Variants in COL25A1 observed in about 807,000 individuals in gnomAD.
COL25A1 encodes the protein collagen alpha-1(XXV) chain.
In COL25A1, 103 loss-of-function variants were observed where a neutral mutation model predicts 128.4. The observed-to-expected ratio is 0.80, with a 90% CI of 0.68 to 0.94. COL25A1 has a LOEUF of 0.94. Among genes scored for constraint, COL25A1 ranks in the 40% least tolerant of loss-of-function variants. The probability of loss-of-function intolerance (pLI) is 0.00; values close to 1 mark genes in which losing one functional copy is unlikely to be tolerated. For synonymous variants in COL25A1, 279 were observed against 277.2 expected (o/e 1.01, Z -0.06); for missense variants, 745 against 840.0 (o/e 0.89, Z 1.40).
chr4:108,857,409 A>T (rs1238429366), intron 24 of COL25A1, among the ~76,000 whole-genome samples: 1 of 152,096 alleles, frequency 6.6e-6, no homozygotes, highest in Admixed American at 6.6e-5. Context: ...GCCACTACTT[A>T]CATCGAATCC....
intron 9 of COL25A1, 52 bp from the exon 10 acceptor site, chr4:108,940,698 A>C (rs1356572165): frequency 8.1e-7 from 1 of 1,239,700 alleles, no homozygotes; most frequent in Non-Finnish European, 1.1e-6. Context: ...ATAAAGACCC[A>C]GGTCTTCTTT....
At chr4:109,161,928 A>G (rs1366560132) in intron 3 of COL25A1, among the ~76,000 whole-genome samples, 1 of 152,348 alleles carries the variant, frequency 6.6e-6, no homozygotes, top group Non-Finnish European at 1.5e-5. Context: ...ATCTCAGGCA[A>G]CAGGTAACAT....
At chr4:109,209,483 TA>T (rs1475885791) in intron 3 of COL25A1, among the ~76,000 whole-genome samples, 1 of 152,126 alleles carries the variant, frequency 6.6e-6, no homozygotes, top group Non-Finnish European at 1.5e-5. Flanking sequence ...CAGAAAAGAT[TA>T]ACCAATCAAC....
intron 8 of COL25A1, among the ~76,000 whole-genome samples, chr4:108,969,105 C>T (rs1256477287): frequency 6.6e-6 from 1 of 152,156 alleles, no homozygotes; most frequent in East Asian, 1.9e-4. Context: ...TCACCAAATG[C>T]TCCTCTATCA....
chr4:108,971,945 C>T (rs1312335376), intron 8 of COL25A1, among the ~76,000 whole-genome samples: 1 of 152,160 alleles, frequency 6.6e-6, no homozygotes, highest in Non-Finnish European at 1.5e-5. Flanking sequence ...ATATATACTG[C>T]TGAATATATG....
chr4:108,826,216 A>G (rs2125717025), intron 33 of COL25A1, among the ~76,000 whole-genome samples: 1 of 152,296 alleles, frequency 6.6e-6, no homozygotes, highest in African/African-American at 2.4e-5. Context: ...AAAGCAAACC[A>G]GAGGTCTCAA....
intron 3 of COL25A1, among the ~76,000 whole-genome samples, chr4:109,174,705 T>G (rs1359601764): frequency 6.6e-6 from 1 of 152,182 alleles, no homozygotes; most frequent in East Asian, 1.9e-4. Context: ...GGCAGGAATC[T>G]CTCCTTCATC....
At chr4:109,245,599 G>A (rs549164409) in intron 3 of COL25A1, among the ~76,000 whole-genome samples, 1 of 152,134 alleles carries the variant, frequency 6.6e-6, no homozygotes, top group Non-Finnish European at 1.5e-5. Context: ...ATGAATACCT[G>A]CTATGAACCA....
intron 6 of COL25A1, among the ~76,000 whole-genome samples, chr4:109,003,766 C>T (rs1359592642): frequency 2.6e-5 from 4 of 152,154 alleles, no homozygotes; most frequent in African/African-American, 9.7e-5. Flanking sequence ...CGCCATTGCA[C>T]TCCAGCCTGG....
chr4:109,270,382 C>T (rs1385151155), intron 3 of COL25A1, among the ~76,000 whole-genome samples: 1 of 152,194 alleles, frequency 6.6e-6, no homozygotes, highest in Admixed American at 6.5e-5. Context: ...TCTCAGGATA[C>T]AAAATCAATG....
intron 3 of COL25A1, among the ~76,000 whole-genome samples, chr4:109,090,027 T>C (rs906501556): frequency 6.6e-6 from 1 of 152,118 alleles, no homozygotes; most frequent in South Asian, 2.1e-4. Context: ...TCAGTATATA[T>C]AAATGTAAAA....
intron 18 of COL25A1, 68 bp from the exon 19 acceptor site, chr4:108,884,290 T>A: frequency 7.1e-7 from 1 of 1,406,928 alleles, no homozygotes; most frequent in Non-Finnish European, 1.0e-6. Context: ...GAGAAAAACA[T>A]GGCAAATGTT....
At chr4:109,205,230 T>C (rs1026072173) in intron 3 of COL25A1, among the ~76,000 whole-genome samples, 2 of 152,206 alleles carry the variant, frequency 1.3e-5, no homozygotes, top group Non-Finnish European at 2.9e-5. Flanking sequence ...ATACATATCT[T>C]AAAATAGATT....
At chr4:109,007,386 T>C (rs996729445) in intron 6 of COL25A1, among the ~76,000 whole-genome samples, 1 of 152,170 alleles carries the variant, frequency 6.6e-6, no homozygotes, top group Admixed American at 6.5e-5. Flanking sequence ...TTAGAAATGA[T>C]ACATGTAGTA....
intron 30 of COL25A1, 24 bp from the exon 31 acceptor site, chr4:108,841,745 T>A: frequency 6.3e-7 from 1 of 1,590,902 alleles, no homozygotes; most frequent in Non-Finnish European, 8.6e-7. Flanking sequence ...ACAGAGCTTT[T>A]AATTAAGAAT....
chr4:109,238,030 T>C (rs981417023), intron 3 of COL25A1, among the ~76,000 whole-genome samples: 1 of 152,120 alleles, frequency 6.6e-6, no homozygotes, highest in African/African-American at 2.4e-5. Context: ...TAGTCCATTG[T>C]ATATACATAC....
At chr4:109,257,701 G>A (rs569550467) in intron 3 of COL25A1, among the ~76,000 whole-genome samples, 2 of 152,306 alleles carry the variant, frequency 1.3e-5, no homozygotes, top group African/African-American at 4.8e-5. Context: ...CGGGCCCAGT[G>A]TGGTCTCCCT....
At chr4:109,121,327 T>C (rs932093693) in intron 3 of COL25A1, among the ~76,000 whole-genome samples, 1 of 151,840 alleles carries the variant, frequency 6.6e-6, no homozygotes, top group African/African-American at 2.4e-5. Flanking sequence ...TGAAAAACAA[T>C]GTAAAGAGAA....
At chr4:109,234,967 G>A (rs1779375984) in intron 3 of COL25A1, among the ~76,000 whole-genome samples, 1 of 152,000 alleles carries the variant, frequency 6.6e-6, no homozygotes, top group Admixed American at 6.6e-5. Context: ...TGCTGGCAGT[G>A]TCATCTCTGA....
Sources: allele counts gnomAD v4.1 joint callset (sites outside exome capture counted in the v4.1 genomes callset), GRCh38; gene constraint gnomAD v4.1.1; transcripts MANE v1.5; gene names NCBI Gene and HGNC (gene_info 2026-07-23, HGNC 2026-07-21).